The following SEC24A variants were observed in gnomAD, a reference collection of about 807,000 sequenced individuals.
The protein encoded by SEC24A is protein transport protein Sec24A.
SEC24A carries 93 observed loss-of-function variants against 129.4 expected under a neutral mutation model. That is an observed-to-expected ratio of 0.72 (90% CI 0.61 to 0.85). The LOEUF (loss-of-function observed/expected upper bound fraction) is 0.85, where lower values mean the gene tolerates loss of function less well. Ranked by LOEUF, SEC24A falls within the 40% of genes least tolerant of loss-of-function variation. SEC24A has a pLI of 0.00. For missense variants in SEC24A, 1,264 were observed against 1,307.4 expected (o/e 0.97, Z 0.51); for synonymous variants, 460 against 467.3 (o/e 0.98, Z 0.20).
chr5:134,687,720 A>C (rs1447906638), intron 10 of SEC24A, among the ~76,000 whole-genome samples: 1 of 152,206 alleles, frequency 6.6e-6, no homozygotes, highest in African/African-American at 2.4e-5. Context: ...AGTGAAAAAC[A>C]GTTTGTTCTT....
At chr5:134,685,706 A>C (rs923644740) in intron 9 of SEC24A, among the ~76,000 whole-genome samples, 1 of 152,104 alleles carries the variant, frequency 6.6e-6, no homozygotes, top group African/African-American at 2.4e-5. Flanking sequence ...AGTCTTGGCC[A>C]GGTGCAGTGG....
Position 134,666,960 on chromosome 5 carries a change from C to T in SEC24A, c.703C>T (p.Pro235Ser). 6.3e-7 allele frequency: 1 copy of T among 1,587,348 alleles called. No individual in the cohort carries two copies. Among genetic ancestry groups the T allele is most frequent in the South Asian group, 1.2e-5 (1 of 86,564 alleles). ...CCTGACATCATCATATAGAGATGTA[C>T]CCCAGCCCTTATTTAATTCAGCTGT... is the stretch of plus-strand genomic sequence containing the variant. ...TPLTSSYRDV[P>S]QPLFNSAVNQ... is the part of the protein sequence containing the mutation. Residue 235 changes from proline (P) to serine (S), a missense_variant, in exon 3 of 23, where the codon CCC becomes TCC. Physicochemically the swap from Pro to Ser is moderately conservative, Grantham distance 74. Transcript: ENST00000398844.
At chr5:134,717,792 G>A (rs1752520574) in intron 19 of SEC24A, among the ~76,000 whole-genome samples, 1 of 151,918 alleles carries the variant, frequency 6.6e-6, no homozygotes, top group Admixed American at 6.6e-5. Context: ...GTGCATGCCT[G>A]TAATCCCAGC....
rs746030772 is a variant in SEC24A at position 134,693,730 on chromosome 5, G to C, written c.1783G>C (p.Val595Leu). The C allele has an allele frequency of 3.7e-6, 6 of 1,613,228 alleles. No individual in the cohort carries two copies. The highest frequency in any genetic ancestry group is 4.5e-5 in the East Asian group (2 of 44,856). ...LVNLNESKEL[V>L]QDLLKTLPQM... ...TTTTCTTGCTTTGTTTTACAAGCTCGTGCAAGATTTACTGAAAACTTTGCC... is the reference window on the plus strand; with the variant it reads ...TTTTCTTGCTTTGTTTTACAAGCTCCTGCAAGATTTACTGAAAACTTTGCC... The change falls in exon 13 of 23, where the codon GTG becomes CTG. Residue 595 changes from valine (V) to leucine (L), a missense_variant. Val to Leu is a conservative substitution (Grantham distance 32). Coordinates refer to ENST00000398844, the MANE Select transcript of SEC24A (RefSeq NM_021982.3).
chr5:134,710,612 C>G (rs906135796), intron 18 of SEC24A, among the ~76,000 whole-genome samples: 1 of 152,070 alleles, frequency 6.6e-6, no homozygotes, highest in Admixed American at 6.6e-5. Context: ...ACTTCCATAT[C>G]CTTGTCTTTG....
chr5:134,679,817 A>AT, intron 8 of SEC24A, 89 bp downstream of exon 8: 2 of 1,083,632 alleles, frequency 1.8e-6, no homozygotes, highest in East Asian at 5.9e-5. Context: ...AAAAAAAAAA[A>AT]CCCTTTTATT....
intron 14 of SEC24A, 83 bp downstream of exon 14, chr5:134,697,329 A>G: frequency 1.7e-6 from 2 of 1,160,284 alleles, no homozygotes; most frequent in Non-Finnish European, 1.2e-6. Context: ...AATATAGAAC[A>G]AAGTTAAAGA....
intron 17 of SEC24A, among the ~76,000 whole-genome samples, chr5:134,707,014 T>C (rs933641970): frequency 4.0e-5 from 6 of 151,730 alleles, no homozygotes; most frequent in Non-Finnish European, 7.4e-5. Flanking sequence ...TTAAAAAAAA[T>C]TTTTTTAGAG....
intron 2 of SEC24A, among the ~76,000 whole-genome samples, chr5:134,663,845 C>T (rs1750557477): frequency 6.6e-6 from 1 of 152,194 alleles, no homozygotes; most frequent in Admixed American, 6.5e-5. Flanking sequence ...CATGGTGGCT[C>T]ACGCCTGTAA....
chr5:134,664,565 G>T (rs1750587142), intron 2 of SEC24A, among the ~76,000 whole-genome samples: 1 of 152,094 alleles, frequency 6.6e-6, no homozygotes, highest in Non-Finnish European at 1.5e-5. Context: ...TTAGGTTGTA[G>T]GTTACATCTT....
intron 2 of SEC24A, among the ~76,000 whole-genome samples, chr5:134,664,193 T>C (rs191854105): frequency 3.9e-4 from 60 of 152,256 alleles, no homozygotes; most frequent in Non-Finnish European, 8.8e-5. Context: ...AGTAACCTTC[T>C]TTTTTCTCAT....
chr5:134,653,150 A>C (rs987179129), intron 1 of SEC24A, among the ~76,000 whole-genome samples: 1 of 151,748 alleles, frequency 6.6e-6, no homozygotes, highest in Non-Finnish European at 1.5e-5. Flanking sequence ...CATGTTGGCC[A>C]GGATGGCCTC....
rs1473911457 is a variant in SEC24A at position 134,649,142 on chromosome 5, C to T, written c.66C>T (p.Ala22=). Residue 22 remains alanine, a synonymous_variant, in exon 1 of 23, where the codon GCC becomes GCT. Transcript: ENST00000398844. ...APASLQAQNG[A]ALASGSPYTN... is the part of the protein sequence containing the mutation. ...CCAGCCTCCAGGCCCAGAACGGAGC[C>T]GCCTTGGCCTCGGGGTCTCCCTACA... 6.2e-7 allele frequency: 1 copy of T among 1,609,384 alleles called. No individual in the cohort carries two copies. The highest frequency in any genetic ancestry group is 2.3e-5 in the East Asian group (1 of 44,306).
At chr5:134,720,946 G>T in intron 20 of SEC24A, 52 bp from the exon 21 acceptor site, 1 of 966,236 alleles carries the variant, frequency 1.0e-6, no homozygotes, top group South Asian at 1.4e-5. Context: ...TCACTCAACA[G>T]ACTCACCTTT....
chr5:134,703,277 T>G (rs1413713889), intron 15 of SEC24A, among the ~76,000 whole-genome samples: 1 of 151,960 alleles, frequency 6.6e-6, no homozygotes, highest in African/African-American at 2.4e-5. Context: ...GTTTTTTGTG[T>G]TTCTTTTTGA....
intron 10 of SEC24A, 129 bp from the exon 11 acceptor site, chr5:134,688,052 C>G (rs1751508732): frequency 1.4e-6 from 1 of 697,486 alleles, no homozygotes; most frequent in African/African-American, 1.8e-5. Context: ...GTGGTTTAAA[C>G]ATTTGTTTGT....
chr5:134,660,234 T>C (rs6862095), intron 1 of SEC24A, among the ~76,000 whole-genome samples: 149,921 of 151,482 alleles, frequency 0.99, 74,213 homozygotes, highest in Middle Eastern at 1. Context: ...GGCGTGGTGG[T>C]GCATGCCTGT....
chr5:134,700,877 C>T (rs1453908245), intron 15 of SEC24A, among the ~76,000 whole-genome samples: 2 of 152,076 alleles, frequency 1.3e-5, no homozygotes, highest in Admixed American at 6.6e-5. Flanking sequence ...TGCTACCACT[C>T]CCAGCTAATT....
chr5:134,659,687 C>G (rs1433300645), intron 1 of SEC24A, among the ~76,000 whole-genome samples: 1 of 144,896 alleles, frequency 6.9e-6, no homozygotes, highest in Admixed American at 7.1e-5. Context: ...CAGGGTCTCA[C>G]TTTGTCACAG....
Sources: allele counts gnomAD v4.1 joint callset (sites outside exome capture counted in the v4.1 genomes callset), GRCh38; gene constraint gnomAD v4.1.1; transcripts MANE v1.5; gene names NCBI Gene and HGNC (gene_info 2026-07-23, HGNC 2026-07-21).